Variants in PKD2 observed in about 807,000 individuals in gnomAD.
The protein encoded by PKD2 is polycystin-2.
A neutral mutation model predicts 105.9 loss-of-function variants in PKD2; 48 were observed. The observed-to-expected ratio is 0.45, with a 90% CI of 0.36 to 0.58. The LOEUF is 0.58. Among genes scored for constraint, PKD2 ranks in the 20% least tolerant of loss-of-function variants. PKD2 has a pLI of 0.00. For synonymous variants in PKD2, 464 were observed against 481.1 expected, an observed-to-expected ratio of 0.96 and a Z score of 0.46; for missense variants, 1,078 against 1,255.3, an observed-to-expected ratio of 0.86 and a Z score of 2.13.
At chr4:88,023,458 G>A (rs564574487) in intron 2 of PKD2, among the ~76,000 whole-genome samples, 1 of 152,286 alleles carries the variant, frequency 6.6e-6, no homozygotes, top group Admixed American at 6.5e-5. Flanking sequence ...TTCAGCATTG[G>A]GGATTATGTT....
chr4:88,034,550 C>G (rs1727265240), intron 2 of PKD2, among the ~76,000 whole-genome samples: 2 of 151,872 alleles, frequency 1.3e-5, no homozygotes, highest in South Asian at 4.2e-4. Context: ...TGCCTGTAAT[C>G]CCAGCTACTT....
intron 7 of PKD2, among the ~76,000 whole-genome samples, chr4:88,052,470 A>T (rs563360301): frequency 6.6e-6 from 1 of 152,102 alleles, no homozygotes; most frequent in Non-Finnish European, 1.5e-5. Flanking sequence ...AGGTCTCATT[A>T]TGTTGCCCAG....
intron 1 of PKD2, among the ~76,000 whole-genome samples, chr4:88,018,381 C>T (rs1274005773): frequency 6.6e-6 from 1 of 152,072 alleles, no homozygotes; most frequent in Non-Finnish European, 1.5e-5. Flanking sequence ...CTATTTTTTC[C>T]CATTTCCCTA....
At chr4:88,014,605 G>T (rs1421981347) in intron 1 of PKD2, among the ~76,000 whole-genome samples, 1 of 152,154 alleles carries the variant, frequency 6.6e-6, no homozygotes, top group Non-Finnish European at 1.5e-5. Context: ...AAGTGTCCCT[G>T]CAATTCAAGT....
Position 88,065,455 on chromosome 4 carries a change from G to A in PKD2, c.2200G>A (p.Gly734Ser), listed in dbSNP as rs747895445. 6.2e-6 allele frequency: 10 copies of A among 1,613,624 alleles called. No individual in the cohort carries two copies. In the Admixed American group the frequency reaches 1.5e-4, roughly 24 times the overall value. The change falls in exon 11 of 15, where the codon GGC (glycine) becomes AGC (serine). Residue 734 changes from glycine (G) to serine (S), a missense_variant. Gly to Ser is a moderately conservative substitution (Grantham distance 56, BLOSUM62 0). Around this residue, in one of 2 missense-constraint regions of PKD2, gnomAD observed 868 missense variants for 1,067.3 expected, o/e 0.81. Transcript: ENST00000237596. The stretch of plus-strand genomic sequence containing the variant: ...TTCAGAGAGTCTGCGGCAAGGAGGA[G>A]GCAAGTTAAACTTTGACGAACTTCG... ...DISESLRQGGGKLNFDELRQD... is the reference protein window; with the variant it reads ...DISESLRQGGSKLNFDELRQD...
intron 2 of PKD2, among the ~76,000 whole-genome samples, chr4:88,023,966 A>G (rs900841469): frequency 2.0e-5 from 3 of 152,222 alleles, no homozygotes; most frequent in African/African-American, 4.8e-5. Flanking sequence ...GAGAACAGAA[A>G]TGACATGAGA....
At chr4:88,010,960 T>C (rs1726362762) in intron 1 of PKD2, among the ~76,000 whole-genome samples, 1 of 151,840 alleles carries the variant, frequency 6.6e-6, no homozygotes, top group Non-Finnish European at 1.5e-5. Flanking sequence ...TAGGAAGGAG[T>C]TGAAAGTTTC....
intron 1 of PKD2, among the ~76,000 whole-genome samples, chr4:88,008,639 T>G (rs890435109): frequency 5.3e-5 from 8 of 152,178 alleles, no homozygotes; most frequent in African/African-American, 1.7e-4. Context: ...GGTTTTGTTT[T>G]TTTTTTTCTT....
rs140191759 is a variant in PKD2, at chr4:88,027,135, C to T, written c.709+7564C>T. Among the ~76,000 whole-genome samples, 374 of 152,324 alleles carry T rather than the reference C, an allele frequency of 2.5e-3. 3 individuals carry two copies. Among genetic ancestry groups the T allele is most frequent in the African/African-American group, 8.6e-3 (359 of 41,574 alleles). ...GCCTCATGGAGCTGTGAGAAAAGGA[C>T]CACCATCCTCCAGACTCCAGAATGG... On this transcript the variant is annotated intron_variant, in intron 2 of 14. Coordinates refer to ENST00000237596, the MANE Select transcript of PKD2 (RefSeq NM_000297.4).
chr4:88,019,087 C>T (rs1469638770), intron 1 of PKD2, among the ~76,000 whole-genome samples: 2 of 152,150 alleles, frequency 1.3e-5, no homozygotes, highest in Non-Finnish European at 2.9e-5. Context: ...GTTGTATCCA[C>T]CTCAAATAGG....
chr4:88,072,208 C>A (rs1262331883), intron 13 of PKD2, among the ~76,000 whole-genome samples: 1 of 152,078 alleles, frequency 6.6e-6, no homozygotes, highest in South Asian at 2.1e-4. Context: ...GTCTCAAACT[C>A]CTGAGTTCAA....
intron 1 of PKD2, among the ~76,000 whole-genome samples, chr4:88,014,430 T>C (rs1045175061): frequency 1.3e-5 from 2 of 151,162 alleles, no homozygotes; most frequent in African/African-American, 4.9e-5. Flanking sequence ...GGCGGGAGGA[T>C]TGCTTGAGCC....
At chr4:88,062,545 A>G (rs1418032254) in intron 10 of PKD2, among the ~76,000 whole-genome samples, 1 of 152,234 alleles carries the variant, frequency 6.6e-6, no homozygotes, top group Non-Finnish European at 1.5e-5. Flanking sequence ...GCACCTTCTC[A>G]GGAAGGGTTT....
At chr4:88,047,320 G>T (rs1022918681) in intron 6 of PKD2, among the ~76,000 whole-genome samples, 1 of 152,032 alleles carries the variant, frequency 6.6e-6, no homozygotes, top group Non-Finnish European at 1.5e-5. Flanking sequence ...ACTTGGGGAG[G>T]CCAAGGCAGG....
At chr4:88,036,832 T>C (rs1727350499) in intron 3 of PKD2, among the ~76,000 whole-genome samples, 1 of 152,238 alleles carries the variant, frequency 6.6e-6, no homozygotes, top group Non-Finnish European at 1.5e-5. Context: ...AGTGTGGTTC[T>C]TCTGTCTTGC....
Position 88,046,642 on chromosome 4 carries a change from G to T in PKD2, c.1320G>T (p.Arg440Ser), listed in dbSNP as rs886041114. 3 of 1,569,828 alleles carry T rather than the reference G, an allele frequency of 1.9e-6. No homozygotes were observed. Among genetic ancestry groups the T allele is most frequent in the Non-Finnish European group, 2.6e-6 (3 of 1,139,734 alleles). Residue 440 changes from arginine (R) to serine (S), a missense_variant and splice_region_variant, in exon 6 of 15, where the codon AGG (arginine) becomes AGT (serine). Arg to Ser is a moderately radical substitution (Grantham distance 110). Around this residue, in one of 2 missense-constraint regions of PKD2, gnomAD observed 868 missense variants for 1,067.3 expected, o/e 0.81. Transcript: ENST00000237596. ...TTTAATTGTTCTTATTTACATGCAG[G>T]TTATTGGTTGAATTCCCAGCAACAG... is the stretch of plus-strand genomic sequence containing the variant. ...NANINLFCVV[R>S]LLVEFPATGG...
intron 7 of PKD2, among the ~76,000 whole-genome samples, chr4:88,054,487 T>C (rs2110125140): frequency 6.6e-6 from 1 of 152,228 alleles, no homozygotes; most frequent in African/African-American, 2.4e-5. Context: ...CAAGAAATAT[T>C]TCACTGTGGC....
Position 88,075,629 on chromosome 4 carries a change from T to A in PKD2, c.2842T>A (p.Ser948Thr). 6.2e-7 allele frequency: 1 copy of A among 1,614,134 alleles called. No individual in the cohort carries two copies. Among genetic ancestry groups the A allele is most frequent in the Non-Finnish European group, 8.5e-7 (1 of 1,180,010 alleles). The change falls in exon 15 of 15, where the codon TCC (serine) becomes ACC (threonine). Residue 948 changes from serine to threonine, a missense_variant. Transcript: ENST00000237596. ...TCGCCCCAGAAGCTCCCGCCCATCT[T>A]CCTCCCAATCTACAGAAGGCATGGA... ...QPRPRSSRPS[S>T]SQSTEGMEGA...
At chr4:88,060,441 C>CATATATATATATATATATATAT (rs60801876) in intron 9 of PKD2, among the ~76,000 whole-genome samples, 80 of 147,462 alleles carry the variant, frequency 5.4e-4, no homozygotes, top group East Asian at 3.6e-3. Flanking sequence ...CCACTATATC[C>CATATATATATATATATATATAT]ATATATATAT....
Sources: gnomAD v4.1 joint callset for allele counts (sites outside exome capture counted in the v4.1 genomes callset) on GRCh38, gnomAD v4.1.1 for gene constraint, gnomAD v4.1.1 regional missense constraint, MANE v1.5 for transcripts, NCBI Gene and HGNC (gene_info 2026-07-23, HGNC 2026-07-21) for gene names.